Variants in PARD3B observed in about 807,000 individuals in gnomAD.
PARD3B encodes partitioning defective 3 homolog B.
PARD3B carries 103 observed loss-of-function variants against 130.2 expected under a neutral mutation model. The ratio of observed to expected loss-of-function variants is 0.79; its 90% CI spans 0.67 to 0.93. The LOEUF (loss-of-function observed/expected upper bound fraction) is 0.93, where lower values mean the gene tolerates loss of function less well. Among genes scored for constraint, PARD3B ranks in the 40% least tolerant of loss-of-function variants. PARD3B has a pLI of 0.00. For synonymous variants in PARD3B, 583 were observed against 553.2 expected (o/e 1.05, Z -0.76); for missense variants, 1,609 against 1,499.2 (o/e 1.07, Z -1.21).
chr2:204,575,536 G>T (rs1168219730), intron 1 of PARD3B, among the ~76,000 whole-genome samples: 5 of 152,136 alleles, frequency 3.3e-5, no homozygotes, highest in Non-Finnish European at 7.3e-5. Context: ...AGCTGAACTG[G>T]CATTTTCTCT....
chr2:205,161,208 T>C (rs943706278), intron 11 of PARD3B, among the ~76,000 whole-genome samples: 4 of 152,218 alleles, frequency 2.6e-5, no homozygotes, highest in South Asian at 2.1e-4. Flanking sequence ...GCAGGTTTAA[T>C]ATGTATATCC....
chr2:204,692,830 G>T (rs2037418419), intron 2 of PARD3B, among the ~76,000 whole-genome samples: 1 of 151,992 alleles, frequency 6.6e-6, no homozygotes, highest in African/African-American at 2.4e-5. Flanking sequence ...TTACAAAATT[G>T]TAGAATCATG....
rs963844849 is a variant in PARD3B at position 205,301,557 on chromosome 2, A to G, written c.2486A>G (p.Asn829Ser). Residue 829 changes from asparagine (N) to serine (S), a missense_variant, in exon 18 of 23, where the codon AAT becomes AGT. Transcript: ENST00000406610. This position sits in a 1 kb window ranked among gnomAD's most constrained non-coding sequence, Gnocchi z 5.2. ...AATTCGGAGCTAGAGGACATGGAAA[A>G]TAAAGCCAGGAAAGTCAAAAAAACG... is the stretch of plus-strand genomic sequence containing the variant. ...QGNSELEDME[N>S]KARKVKKTKE... 1.2e-6 allele frequency: 2 copies of G among 1,614,022 alleles called. No homozygotes were observed. The highest frequency in any genetic ancestry group is 2.7e-5 in the African/African-American group (2 of 74,908).
intron 1 of PARD3B, among the ~76,000 whole-genome samples, chr2:204,565,417 T>G (rs566712161): frequency 1.7e-3 from 265 of 152,328 alleles, no homozygotes; most frequent in South Asian, 0.013. Context: ...GTACTTTGAC[T>G]GATCTTGTAT....
At chr2:204,716,619 AC>A (rs1213243511) in intron 2 of PARD3B, among the ~76,000 whole-genome samples, 2 of 108,700 alleles carry the variant, frequency 1.8e-5, no homozygotes, top group Non-Finnish European at 3.9e-5. Flanking sequence ...AAAAACAGCA[AC>A]TGCTTTTTTT....
chr2:205,129,860 A>G (rs1432327043), intron 10 of PARD3B, among the ~76,000 whole-genome samples: 2 of 152,162 alleles, frequency 1.3e-5, no homozygotes, highest in Non-Finnish European at 2.9e-5. Flanking sequence ...TCTGAAGGCC[A>G]TGGTATCCAT....
chr2:205,547,257 G>A (rs1388134223), intron 21 of PARD3B, among the ~76,000 whole-genome samples: 1 of 152,088 alleles, frequency 6.6e-6, no homozygotes, highest in Non-Finnish European at 1.5e-5. Context: ...TAGAAAACTA[G>A]AAAGGTTTTC....
chr2:204,805,793 G>T (rs1002889641), intron 2 of PARD3B, among the ~76,000 whole-genome samples: 2 of 151,900 alleles, frequency 1.3e-5, no homozygotes, highest in African/African-American at 2.4e-5. Flanking sequence ...CATTATACTA[G>T]GAGAATGAAG....
chr2:205,198,474 A>T (rs2036813792), intron 15 of PARD3B, among the ~76,000 whole-genome samples: 1 of 152,204 alleles, frequency 6.6e-6, no homozygotes. Flanking sequence ...AAGATTAGTG[A>T]TTCACCAGTT....
intron 20 of PARD3B, among the ~76,000 whole-genome samples, chr2:205,443,742 A>G (rs1265380886): frequency 3.9e-5 from 6 of 152,152 alleles, no homozygotes; most frequent in African/African-American, 1.4e-4. Context: ...TGGGAAGGAA[A>G]GTGATAGGAA....
chr2:205,007,189 G>A (rs1041412480), intron 3 of PARD3B, among the ~76,000 whole-genome samples: 4 of 152,098 alleles, frequency 2.6e-5, no homozygotes, highest in African/African-American at 9.7e-5. Flanking sequence ...ACCTTGTGAA[G>A]AAAGTGCCTG....
At chr2:204,933,370 T>C (rs1688169873) in intron 2 of PARD3B, among the ~76,000 whole-genome samples, 1 of 152,170 alleles carries the variant, frequency 6.6e-6, no homozygotes, top group Admixed American at 6.5e-5. Context: ...GGGACTTTAA[T>C]TAAGAAATAA....
chr2:205,120,175 A>G (rs554547443), intron 7 of PARD3B, among the ~76,000 whole-genome samples: 1 of 152,328 alleles, frequency 6.6e-6, no homozygotes, highest in African/African-American at 2.4e-5. Flanking sequence ...AGACAAAACT[A>G]TAGTTAGTAA....
At chr2:205,222,238 T>A (rs1437421838) in intron 15 of PARD3B, among the ~76,000 whole-genome samples, 1 of 151,976 alleles carries the variant, frequency 6.6e-6, no homozygotes, top group Non-Finnish European at 1.5e-5. Context: ...AATTCTACTT[T>A]AGTAGATAGT....
At chr2:205,546,466 T>C (rs1445591260) in intron 21 of PARD3B, among the ~76,000 whole-genome samples, 1 of 152,116 alleles carries the variant, frequency 6.6e-6, no homozygotes, top group Non-Finnish European at 1.5e-5. Context: ...AAAAAATTAA[T>C]TGGATTGAAG....
At chr2:205,435,712 G>A (rs2106144124) in intron 19 of PARD3B, among the ~76,000 whole-genome samples, 1 of 152,166 alleles carries the variant, frequency 6.6e-6, no homozygotes, top group East Asian at 1.9e-4. Flanking sequence ...TGAAAATAAA[G>A]ATAGGGTACT....
chr2:205,545,119 C>G (rs893242104), intron 21 of PARD3B, among the ~76,000 whole-genome samples: 3 of 152,200 alleles, frequency 2.0e-5, no homozygotes, highest in African/African-American at 7.2e-5. Flanking sequence ...TCTTTCGCCT[C>G]TCTGGATGGC....
At position 205,128,673 on chromosome 2, in the gene PARD3B, A is replaced by G. The variant is rs555107539; in HGVS notation, c.1434+2936A>G. 7.9e-5 allele frequency among the ~76,000 whole-genome samples: 12 copies of G among 152,192 alleles called. No homozygotes were observed. Among genetic ancestry groups the G allele is most frequent in the Non-Finnish European group, 1.6e-4 (11 of 68,020 alleles). On this transcript the variant is annotated intron_variant, in intron 10 of 22. Coordinates refer to ENST00000406610, the MANE Select transcript of PARD3B (RefSeq NM_001302769.2). This position sits in a 1 kb window ranked among gnomAD's most constrained non-coding sequence, Gnocchi z 4.5. ...TGTAAGTTCTCAAAATACGTTAGCT[A>G]TAATTTTTTTTTCTAATACATGACC...
At chr2:205,056,884 AACACAC>A (rs770319889) in intron 4 of PARD3B, among the ~76,000 whole-genome samples, 4 of 147,166 alleles carry the variant, frequency 2.7e-5, no homozygotes, top group African/African-American at 1.0e-4. Context: ...AAAGGACACA[AACACAC>A]ACACACACAC....
Sources: allele counts gnomAD v4.1 joint callset (sites outside exome capture counted in the v4.1 genomes callset), GRCh38; gene constraint gnomAD v4.1.1; non-coding constraint Gnocchi (gnomAD v3.1); transcripts MANE v1.5; gene names NCBI Gene and HGNC (gene_info 2026-07-23, HGNC 2026-07-21).